The following UNC5C variants were observed in gnomAD, a reference collection of about 807,000 sequenced individuals.
The protein encoded by UNC5C is netrin receptor UNC5C.
Under a neutral mutation model 99.8 loss-of-function variants are expected in UNC5C, and 47 were observed. The ratio of observed to expected loss-of-function variants is 0.47; its 90% confidence interval spans 0.37 to 0.60. UNC5C has a LOEUF of 0.60. Among genes scored for constraint, UNC5C ranks in the 20% least tolerant of loss-of-function variants. The probability of loss-of-function intolerance (pLI) is 0.00; values close to 1 mark genes in which losing one functional copy is unlikely to be tolerated. For missense variants in UNC5C, 1,062 were observed against 1,165.9 expected (o/e 0.91, Z 1.30); for synonymous variants, 487 against 452.2 (o/e 1.08, Z -0.98).
chr4:95,251,237 C>T (rs535959216), intron 4 of UNC5C, among the ~76,000 whole-genome samples: 1 of 152,138 alleles, frequency 6.6e-6, no homozygotes, highest in Non-Finnish European at 1.5e-5. Context: ...CCTGAAAATA[C>T]CTTTCAAAAT....
intron 8 of UNC5C, 144 bp downstream of exon 8, chr4:95,219,841 T>G: frequency 1.3e-6 from 1 of 771,348 alleles, no homozygotes; most frequent in Non-Finnish European, 2.0e-6. Flanking sequence ...GTAAATGACA[T>G]CAATACAGTA....
rs193023534 is a variant in UNC5C, at chr4:95,309,433, G to A, written c.347-7684C>T. On this transcript the variant is annotated intron_variant, in intron 2 of 15. Transcript: ENST00000453304. ...CAGCAAAAGCAAAAATAGACAAATA[G>A]GAATACATCAAACTAAAAAGCTTCT... is the stretch of plus-strand genomic sequence containing the variant. Among the ~76,000 whole-genome samples the A allele has an allele frequency of 7.9e-5, 12 of 151,574 alleles. No individual in the cohort carries two copies. In the East Asian group the frequency reaches 2.3e-3, roughly 29 times the overall value.
chr4:95,279,238 CA>C (rs1740967397), intron 3 of UNC5C, among the ~76,000 whole-genome samples: 1 of 152,142 alleles, frequency 6.6e-6, no homozygotes, highest in African/African-American at 2.4e-5. Context: ...AGAACAGTCC[CA>C]AGATATCACT....
intron 1 of UNC5C, among the ~76,000 whole-genome samples, chr4:95,546,800 T>C (rs1347122268): frequency 2.0e-5 from 3 of 152,230 alleles, no homozygotes; most frequent in African/African-American, 4.8e-5. Flanking sequence ...TTATCTTTAT[T>C]GATCCTTTTT....
chr4:95,520,960 T>C (rs1197821385), intron 1 of UNC5C, among the ~76,000 whole-genome samples: 1 of 152,084 alleles, frequency 6.6e-6, no homozygotes, highest in Non-Finnish European at 1.5e-5. Context: ...GGGAAAATAA[T>C]GATGCCCCTC....
At chr4:95,169,902 C>T (rs1736020069) in intron 15 of UNC5C, among the ~76,000 whole-genome samples, 2 of 152,164 alleles carry the variant, frequency 1.3e-5, no homozygotes, top group South Asian at 4.1e-4. Flanking sequence ...GGAATTTAGC[C>T]CATCAGCTTG....
At chr4:95,339,203 G>A (rs532269827) in intron 1 of UNC5C, among the ~76,000 whole-genome samples, 26 of 152,198 alleles carry the variant, frequency 1.7e-4, no homozygotes, top group African/African-American at 5.1e-4. Flanking sequence ...CTAAGCAAGC[G>A]TATTTGCAAT....
chr4:95,235,644 T>G (rs1401787638), intron 7 of UNC5C, among the ~76,000 whole-genome samples: 1 of 152,232 alleles, frequency 6.6e-6, no homozygotes, highest in African/African-American at 2.4e-5. Context: ...TTAATCCATC[T>G]TGAATTAATT....
chr4:95,548,222 A>G, intron 1 of UNC5C, among the ~76,000 whole-genome samples: 1 of 151,996 alleles, frequency 6.6e-6, no homozygotes, highest in Non-Finnish European at 1.5e-5. Context: ...ACAGTAATGG[A>G]CACATTTCCT....
intron 4 of UNC5C, among the ~76,000 whole-genome samples, chr4:95,259,022 A>G (rs1435871981): frequency 3.3e-5 from 5 of 151,382 alleles, no homozygotes; most frequent in Admixed American, 2.6e-4. Flanking sequence ...CGGCCTCCCA[A>G]AGTGCTGGGA....
intron 2 of UNC5C, among the ~76,000 whole-genome samples, chr4:95,333,267 C>T (rs6821360): frequency 0.13 from 20,398 of 152,068 alleles, 1,557 homozygotes; most frequent in African/African-American, 0.19. Context: ...AAGACACATG[C>T]ACACGTATGT....
chr4:95,262,322 C>T lies in UNC5C; in HGVS notation c.595-11655G>A, dbSNP rs141398789. On this transcript the variant is annotated intron_variant, in intron 4 of 15. Transcript: ENST00000453304. ...GACAGATCGCTATGTAATTTTTGACCTGTAACTTGGAAGACGTGCAGAGTT... is the reference window on the plus strand; with the variant it reads ...GACAGATCGCTATGTAATTTTTGACTTGTAACTTGGAAGACGTGCAGAGTT... 2.4e-3 allele frequency among the ~76,000 whole-genome samples: 372 copies of T among 152,252 alleles called. 3 individuals carry two copies. The highest frequency in any genetic ancestry group is 8.5e-3 in the African/African-American group (354 of 41,546).
At position 95,245,140 on chromosome 4, in the gene UNC5C, G is replaced by A. The variant is rs199667618; in HGVS notation, c.780C>T (p.Asn260=). The change falls in exon 6 of 16, where the codon AAC becomes AAT. Residue 260 remains asparagine (N), a synonymous_variant. Transcript: ENST00000453304. The part of the protein sequence containing the change: ...STTATVIVYV[N]GGWSTWTEWS... The stretch of plus-strand genomic sequence containing the variant: ...ACTCCGTCCAGGTGGACCAGCCACC[G>A]TTGACTGAAAGGAGGCAAACAGTAA... The A allele has an allele frequency of 4.1e-5, 66 of 1,610,046 alleles. No individual in the cohort carries two copies. The highest frequency in any genetic ancestry group is 3.8e-4 in the East Asian group (17 of 44,736).
At chr4:95,475,272 G>A (rs1748107017) in intron 1 of UNC5C, among the ~76,000 whole-genome samples, 1 of 151,944 alleles carries the variant, frequency 6.6e-6, no homozygotes, top group Admixed American at 6.6e-5. Flanking sequence ...ATTATTGAAG[G>A]GAACATGTGA....
At chr4:95,481,701 G>A (rs568446472) in intron 1 of UNC5C, among the ~76,000 whole-genome samples, 2,262 of 152,086 alleles carry the variant, frequency 0.015, 34 homozygotes, top group Non-Finnish European at 0.021. Flanking sequence ...CAGAAATAAC[G>A]CCGCATATCT....
At chr4:95,490,657 C>T (rs1225246847) in intron 1 of UNC5C, among the ~76,000 whole-genome samples, 2 of 151,632 alleles carry the variant, frequency 1.3e-5, no homozygotes, top group African/African-American at 4.8e-5. Context: ...AATCCTCCTG[C>T]TAAGAATAAA....
intron 12 of UNC5C, among the ~76,000 whole-genome samples, chr4:95,188,304 A>G (rs1237931128): frequency 6.6e-6 from 1 of 152,182 alleles, no homozygotes; most frequent in African/African-American, 2.4e-5. Context: ...TCGTTGCACT[A>G]AAGACGTTCA....
intron 12 of UNC5C, among the ~76,000 whole-genome samples, chr4:95,189,049 T>C (rs1254579327): frequency 6.6e-6 from 1 of 152,188 alleles, no homozygotes; most frequent in Non-Finnish European, 1.5e-5. Flanking sequence ...TAGGAAGACT[T>C]AAGAGAAATA....
chr4:95,517,933 C>T (rs933700993), intron 1 of UNC5C, among the ~76,000 whole-genome samples: 1 of 151,976 alleles, frequency 6.6e-6, no homozygotes, highest in Admixed American at 6.6e-5. Context: ...AACCAGTAGA[C>T]AAATCACATT....
Sources: gnomAD v4.1 joint callset for allele counts (sites outside exome capture counted in the v4.1 genomes callset) on GRCh38, gnomAD v4.1.1 for gene constraint, MANE v1.5 for transcripts, NCBI Gene and HGNC (gene_info 2026-07-23, HGNC 2026-07-21) for gene names.